The following DHRS4L2 variants were observed in gnomAD, a reference collection of about 807,000 sequenced individuals.
The protein encoded by DHRS4L2 is dehydrogenase/reductase SDR family member 4-like 2.
In DHRS4L2, 22 loss-of-function variants were observed where a neutral mutation model predicts 23.9. The observed-to-expected ratio is 0.92, with a 90% CI of 0.66 to 1.31. DHRS4L2 has a LOEUF of 1.31. Ranked by LOEUF, DHRS4L2 falls within the 40% of genes most tolerant of loss-of-function variation. DHRS4L2 has a pLI of 0.00. For missense variants in DHRS4L2, 385 were observed against 303.3 expected, an observed-to-expected ratio of 1.27 and a Z score of -2.00; for synonymous variants, 141 against 123.7, an observed-to-expected ratio of 1.14 and a Z score of -0.93.
intron 2 of DHRS4L2, among the ~76,000 whole-genome samples, chr14:23,994,658 A>C (rs1420808484): frequency 6.6e-6 from 1 of 151,832 alleles, no homozygotes; most frequent in Admixed American, 6.6e-5. Flanking sequence ...ACTGTGCTCC[A>C]GTCTGGATGA....
chr14:23,973,066 G>A (rs1464575117), intron 1 of DHRS4L2, among the ~76,000 whole-genome samples: 16 of 151,844 alleles, frequency 1.1e-4, no homozygotes, highest in Non-Finnish European at 1.6e-4. Context: ...AGTTCCCATG[G>A]GCAGGCAGGA....
At chr14:24,003,891 G>A (rs1336144530) in intron 6 of DHRS4L2, among the ~76,000 whole-genome samples, 2 of 74,462 alleles carry the variant, frequency 2.7e-5, no homozygotes, top group Non-Finnish European at 4.2e-5. Flanking sequence ...GGGCTGAGAC[G>A]ATGGGGTTTT....
chr14:24,000,750 G>C (rs2034469616), intron 3 of DHRS4L2, 113 bp from the exon 4 acceptor site: 2 of 901,162 alleles, frequency 2.2e-6, no homozygotes, highest in African/African-American at 3.4e-5. Flanking sequence ...ATCATCCTAA[G>C]ATCTTCGTCA....
intron 2 of DHRS4L2, among the ~76,000 whole-genome samples, chr14:23,993,727 G>A (rs1005852376): frequency 1.3e-5 from 2 of 151,594 alleles, no homozygotes; most frequent in African/African-American, 4.8e-5. Context: ...AATCTTTCAT[G>A]CCTCCAGGTC....
At chr14:23,988,604 C>T (rs1365379860), upstream of DHRS4L2, 4 of 283,850 alleles carry the variant, frequency 1.4e-5, no homozygotes, top group Non-Finnish European at 2.5e-5. Context: ...CCCCACTTCC[C>T]CAAGAAGAAA....
At chr14:23,972,836 G>C (rs899999719) in intron 1 of DHRS4L2, among the ~76,000 whole-genome samples, 6 of 151,446 alleles carry the variant, frequency 4.0e-5, no homozygotes, top group Non-Finnish European at 7.4e-5. Flanking sequence ...CAACAAACGT[G>C]AGCAATAGAA....
rs2034241250 is a variant in DHRS4L2 at position 23,990,263 on chromosome 14, C to G, written c.210C>G (p.Asp70Glu). The stretch of plus-strand genomic sequence containing the variant: ...GCAGCCGGAAGCAGCAGAATGTGGA[C>G]CAGGCGGTGGCCACGCTGCAGGGGG... ...VVSSRKQQNVDQAVATLQGEG... is the reference protein window; with the variant it reads ...VVSSRKQQNVEQAVATLQGEG... The change falls in exon 2 of 8, where the codon GAC becomes GAG. Residue 70 changes from aspartate to glutamate, a missense_variant. Physicochemically the swap from Asp to Glu is conservative, Grantham distance 45. Transcript: ENST00000335125. The G allele has an allele frequency of 6.2e-7, 1 of 1,612,722 alleles. No homozygotes were observed. Among genetic ancestry groups the G allele is most frequent in the South Asian group, 1.1e-5 (1 of 90,908 alleles).
intron 1 of DHRS4L2, among the ~76,000 whole-genome samples, chr14:23,982,032 C>G (rs1676444041): frequency 6.6e-6 from 1 of 150,550 alleles, no homozygotes; most frequent in South Asian, 2.2e-4. Context: ...CTGCAAGAGG[C>G]CTTCCTCTTT....
At position 23,981,631 on chromosome 14, in the gene DHRS4L2, G is replaced by T. The variant is rs539360739; in HGVS notation, c.-175-8551G>T. 3.9e-4 allele frequency among the ~76,000 whole-genome samples: 59 copies of T among 151,482 alleles called. 2 individuals carry two copies. The highest frequency in any genetic ancestry group is 5.6e-4 in the Non-Finnish European group (38 of 67,894). ...GGGGACTGGCACTCAGCATACAGAG[G>T]ACCCACACTGGCACCAGTCTCTGAG... On this transcript the variant is annotated intron_variant, in intron 1 of 5. Transcript: ENST00000534993.
At chr14:23,998,229 G>C (rs1441081813) in intron 3 of DHRS4L2, among the ~76,000 whole-genome samples, 1 of 151,834 alleles carries the variant, frequency 6.6e-6, no homozygotes, top group Admixed American at 6.6e-5. Context: ...AGGCTTTGTT[G>C]TTCCATTTAC....
chr14:24,000,809 GCCT>G lies in DHRS4L2; in HGVS notation c.409-48_409-46del, dbSNP rs2034470625. The G allele has an allele frequency of 2.0e-6, 3 of 1,489,894 alleles. No individual in the cohort carries two copies. The African/African-American group carries it at 4.3e-5, about 22-fold the overall frequency. 92.3% of individuals were successfully genotyped at this position (1,489,894 alleles called of 1,614,324 possible). A position where few individuals can be genotyped will look rare whatever the true frequency, so the allele number is the denominator to read the frequency against. Reference sequence around the variant, plus strand: ...CCACTCTAACTCCTCATTTTTTCATGCCTCCTCCAGTGCTCTTCACTCATGCTG... The same window carrying G: ...CCACTCTAACTCCTCATTTTTTCATGCCTCCAGTGCTCTTCACTCATGCTG... On this transcript the variant is annotated intron_variant, in intron 3 of 7. Coordinates refer to ENST00000335125, the MANE Select transcript of DHRS4L2 (RefSeq NM_198083.4).
intron 2 of DHRS4L2, among the ~76,000 whole-genome samples, chr14:23,992,444 G>A (rs8003263): frequency 1.3e-5 from 2 of 151,518 alleles, no homozygotes; most frequent in Admixed American, 6.6e-5. Context: ...TCTTCTGCCA[G>A]TTGCCACATG....
chr14:23,978,460 G>A (rs2034007250), intron 1 of DHRS4L2, among the ~76,000 whole-genome samples: 1 of 98,582 alleles, frequency 1.0e-5, no homozygotes, highest in East Asian at 4.9e-4. Context: ...AACAGCTCCA[G>A]TCTGCAGCTC....
At position 24,005,771 on chromosome 14, in the gene DHRS4L2, T is replaced by C. The variant is rs372778956; in HGVS notation, c.*23-115T>C. ...GATAGGCAGAAAGCTTGTACACTGA[T>C]CCTGAAAAGTCATCTGATAATTCTT... On this transcript the variant is annotated intron_variant, in intron 7 of 7. Coordinates refer to ENST00000335125, the MANE Select transcript of DHRS4L2 (RefSeq NM_198083.4). The C allele has an allele frequency of 1.6e-4, 239 of 1,541,558 alleles. No homozygotes were observed. The African/African-American group carries it at 1.6e-3, about 10-fold the overall frequency.
chr14:23,981,753 C>A (rs1182075883), intron 1 of DHRS4L2, among the ~76,000 whole-genome samples: 1 of 151,638 alleles, frequency 6.6e-6, no homozygotes, highest in Non-Finnish European at 1.5e-5. Context: ...AGCAAGAAAA[C>A]ATGTGGCAAA....
At chr14:23,996,553 A>G (rs142765568) in intron 3 of DHRS4L2, among the ~76,000 whole-genome samples, 3,136 of 134,698 alleles carry the variant, frequency 0.023, 72 homozygotes, top group East Asian at 0.11. Context: ...TTCTTAAACC[A>G]TCTTTTCTTC....
At position 23,970,994 on chromosome 14, in the gene DHRS4L2, G is replaced by A. The variant is rs1185153936; in HGVS notation, c.-176+662G>A. ...ATCCACACTAAAACCCCATCCATAG[G>A]TCACCAACATCAAAGACCAAAGGTA... On this transcript the variant is annotated intron_variant, in intron 1 of 5. Transcript: ENST00000534993. Among the ~76,000 whole-genome samples the A allele has an allele frequency of 7.9e-5, 12 of 152,114 alleles. 1 individual carries two copies. The highest frequency in any genetic ancestry group is 1.9e-4 in the East Asian group (1 of 5,182).
chr14:23,969,976 G>T (rs1170616578), exon 1 of DHRS4L2: 3 of 454,634 alleles, frequency 6.6e-6, no homozygotes, highest in African/African-American at 4.0e-5. Context: ...GAGCGGGCTC[G>T]CCTCTGCGGC....
chr14:23,996,295 C>T (rs1477168745), intron 3 of DHRS4L2, among the ~76,000 whole-genome samples: 2 of 151,396 alleles, frequency 1.3e-5, no homozygotes, highest in African/African-American at 4.9e-5. Context: ...TATCAGGTGT[C>T]ATCAAAATTT....
Sources: allele counts gnomAD v4.1 joint callset (sites outside exome capture counted in the v4.1 genomes callset), GRCh38; gene constraint gnomAD v4.1.1; transcripts MANE v1.5; gene names NCBI Gene and HGNC (gene_info 2026-07-23, HGNC 2026-07-21).